NLRP5: variants seen among roughly 807,000 people sequenced by gnomAD.
The protein encoded by NLRP5 is NLR family pyrin domain containing 5.
NLRP5 carries 93 observed loss-of-function variants against 113.1 expected under a neutral mutation model. That is an observed-to-expected ratio of 0.82 (90% CI 0.70 to 0.98). The LOEUF (loss-of-function observed/expected upper bound fraction) is 0.98. NLRP5 is among the 50% of genes least tolerant of loss of function. The pLI is 0.00. For synonymous variants in NLRP5, 751 were observed against 600.7 expected (o/e 1.25, Z -3.66); for missense variants, 1,808 against 1,514.3 (o/e 1.19, Z -3.22).
At chr19:55,998,126 T>A (rs1403770066), upstream of NLRP5, among the ~76,000 whole-genome samples, 1 of 152,120 alleles carries the variant, frequency 6.6e-6, no homozygotes, top group Non-Finnish European at 1.5e-5. Flanking sequence ...TTAATGAAAT[T>A]AAGTAGGAAT....
Position 56,028,467 on chromosome 19 carries a change from C to T in NLRP5, c.2234C>T (p.Pro745Leu), listed in dbSNP as rs1170230276. ...CGGGTGGATGTCAAAGGGATCTTCC[C>T]AAGAGATGAGTCCGCTGAGGCATGT... is the stretch of plus-strand genomic sequence containing the variant. Residue 745 changes from proline to leucine, a missense_variant, in exon 7 of 15, where the codon CCA becomes CTA. Physicochemically the swap from Pro to Leu is moderately conservative, Grantham distance 98. Coordinates refer to ENST00000390649, the MANE Select transcript of NLRP5 (RefSeq NM_153447.4). The T allele has an allele frequency of 3.1e-5, 50 of 1,613,694 alleles. No individual in the cohort carries two copies. Among genetic ancestry groups the T allele is most frequent in the Non-Finnish European group, 4.0e-5 (47 of 1,179,892 alleles).
chr19:56,020,520 A>G (rs1982574118), intron 6 of NLRP5, 89 bp downstream of exon 6: 2 of 1,404,830 alleles, frequency 1.4e-6, no homozygotes, highest in Non-Finnish European at 2.0e-6. Context: ...AAGGGTATGT[A>G]GTTTAGATTG....
chr19:56,026,053 A>G (rs1982831482), intron 6 of NLRP5, among the ~76,000 whole-genome samples: 1 of 152,126 alleles, frequency 6.6e-6, no homozygotes, highest in Admixed American at 6.5e-5. Context: ...CGGGTTGAAC[A>G]AGGGAAGCAG....
intron 6 of NLRP5, among the ~76,000 whole-genome samples, chr19:56,021,092 G>C (rs755342128): frequency 1.3e-5 from 2 of 151,868 alleles, no homozygotes; most frequent in African/African-American, 4.8e-5. Flanking sequence ...GGTCGGTCTC[G>C]CACTCCTGAT....
At chr19:56,034,818 G>A (rs879413439) in intron 9 of NLRP5, among the ~76,000 whole-genome samples, 58 of 111,888 alleles carry the variant, frequency 5.2e-4, no homozygotes, top group Admixed American at 4.2e-3. Flanking sequence ...CCAGGGACAC[G>A]TTGGTTGGTT....
chr19:55,992,218 C>A, the NLRP5 span, among the ~76,000 whole-genome samples: 6 of 152,166 alleles, frequency 3.9e-5, no homozygotes, highest in Non-Finnish European at 8.8e-5. Context: ...TTTATGGCTG[C>A]ATAGTATTCC....
intron 8 of NLRP5, 106 bp downstream of exon 8, chr19:56,032,887 G>A: frequency 1.8e-6 from 2 of 1,120,280 alleles, no homozygotes; most frequent in Non-Finnish European, 2.5e-6. Context: ...GCAGCCTGAG[G>A]GCATAAGTGC....
rs10419583 is a variant in NLRP5, at chr19:56,027,823, C to T, written c.1590C>T (p.Arg530=). ...TGGAGGAAAGAGTTGTCCTGAAGCG[C>T]TTCTGCCGTATGGCTGTGGAGGGAG... Residue 530 remains arginine, a synonymous_variant, in exon 7 of 15, where the codon CGC becomes CGT. Transcript: ENST00000390649. The T allele has an allele frequency of 1.9e-6, 3 of 1,613,888 alleles. No individual in the cohort carries two copies. The African/African-American group carries it at 4.0e-5, about 22-fold the overall frequency.
rs765935265 is a variant in NLRP5, at chr19:56,053,698, G to A, written c.3189G>A (p.Arg1063=). The change falls in exon 13 of 15, where the codon AGG becomes AGA. Residue 1063 remains arginine (R), a synonymous_variant. Coordinates refer to ENST00000390649, the MANE Select transcript of NLRP5 (RefSeq NM_153447.4). Reference sequence around the variant, plus strand: ...AGAGTCTGTCCTGTGTGATCTCGAGGAGCAGACACCTGAAGAGCCTGGATC... The same window carrying A: ...AGAGTCTGTCCTGTGTGATCTCGAGAAGCAGACACCTGAAGAGCCTGGATC... 24 of 1,613,758 alleles carry A rather than the reference G, an allele frequency of 1.5e-5. No individual in the cohort carries two copies. Among genetic ancestry groups the A allele is most frequent in the African/African-American group, 5.3e-5 (4 of 74,878 alleles).
At chr19:55,997,803 C>T (rs534042431), upstream of NLRP5, among the ~76,000 whole-genome samples, 1 of 151,642 alleles carries the variant, frequency 6.6e-6, no homozygotes, top group South Asian at 2.1e-4. Context: ...GCAGCAGTTG[C>T]AGTGAGCTGA....
chr19:56,040,384 A>G (rs115534623), intron 10 of NLRP5, among the ~76,000 whole-genome samples: 1 of 152,228 alleles, frequency 6.6e-6, no homozygotes, highest in African/African-American at 2.4e-5. Context: ...CCTGACCAAT[A>G]TGGTGAAGCC....
intron 10 of NLRP5, among the ~76,000 whole-genome samples, chr19:56,040,014 A>G (rs1291187289): frequency 2.6e-5 from 4 of 152,176 alleles, no homozygotes; most frequent in Non-Finnish European, 4.4e-5. Context: ...ACAGTGGCAC[A>G]ATCACAGCTC....
At chr19:56,043,776 A>G (rs551079465) in intron 11 of NLRP5, among the ~76,000 whole-genome samples, 1 of 151,130 alleles carries the variant, frequency 6.6e-6, no homozygotes, top group East Asian at 2.0e-4. Context: ...ACAGGGTTTC[A>G]CCACGTTAGC....
intron 12 of NLRP5, 140 bp downstream of exon 12, chr19:56,050,728 T>G: frequency 1.3e-6 from 1 of 758,448 alleles, no homozygotes; most frequent in Admixed American, 3.0e-5. Context: ...AAGGGCAATC[T>G]AGGTAAACTG....
In NLRP5 at chr19:56,020,327, C is replaced by G. The variant is rs753717618; in HGVS notation, c.623-48C>G. On this transcript the variant is annotated intron_variant, in intron 5 of 14. Coordinates refer to ENST00000390649, the MANE Select transcript of NLRP5 (RefSeq NM_153447.4). ...CTTATCTTGGGGGTGTCTGACATCTCTGACTCGAATAATAAACACAAGTAT... is the reference window on the plus strand; with the variant it reads ...CTTATCTTGGGGGTGTCTGACATCTGTGACTCGAATAATAAACACAAGTAT... 7 of 1,609,276 alleles carry G rather than the reference C, an allele frequency of 4.3e-6. No homozygotes were observed. In the Admixed American group the frequency reaches 1.0e-4, roughly 23 times the overall value.
chr19:56,018,105 C>T (rs765905246), intron 4 of NLRP5, among the ~76,000 whole-genome samples: 37 of 152,150 alleles, frequency 2.4e-4, no homozygotes, highest in South Asian at 2.1e-4. Flanking sequence ...ATTTCATTTG[C>T]GTCCCAAACG....
At chr19:56,050,078 G>A (rs1983873069) in intron 11 of NLRP5, among the ~76,000 whole-genome samples, 1 of 151,942 alleles carries the variant, frequency 6.6e-6, no homozygotes. Context: ...TCAGGAGTTC[G>A]AGACCATCCT....
intron 13 of NLRP5, among the ~76,000 whole-genome samples, chr19:56,054,882 C>G (rs1468546571): frequency 1.3e-5 from 2 of 151,958 alleles, no homozygotes; most frequent in African/African-American, 2.4e-5. Flanking sequence ...TGTGTGAGCA[C>G]TGACCATGCA....
At chr19:56,003,191 G>C (rs1169494963) in intron 1 of NLRP5, among the ~76,000 whole-genome samples, 2 of 152,094 alleles carry the variant, frequency 1.3e-5, no homozygotes, top group Admixed American at 6.6e-5. Flanking sequence ...TTTCACTCTT[G>C]TCCAGGCTGG....
Sources: allele counts gnomAD v4.1 joint callset (sites outside exome capture counted in the v4.1 genomes callset), GRCh38; gene constraint gnomAD v4.1.1; transcripts MANE v1.5; gene names NCBI Gene and HGNC (gene_info 2026-07-23, HGNC 2026-07-21).